MAST4: variants seen among roughly 807,000 people sequenced by gnomAD.
MAST4 encodes microtubule associated serine/threonine kinase family member 4, also known as microtubule-associated serine/threonine-protein kinase 4.
In MAST4, 89 loss-of-function variants were observed where a neutral mutation model predicts 162.7. That is an observed-to-expected ratio of 0.55 (90% confidence interval 0.46 to 0.65). The LOEUF is 0.65. Ranked by LOEUF, MAST4 falls within the 30% of genes least tolerant of loss-of-function variation. The pLI is 0.00. For synonymous variants in MAST4, 1,479 were observed against 1,361.1 expected (o/e 1.09, Z -1.91); for missense variants, 3,153 against 3,374.0 (o/e 0.93, Z 1.62).
intron 1 of MAST4, among the ~76,000 whole-genome samples, chr5:66,751,077 C>T (rs1459684253): frequency 6.6e-6 from 1 of 151,996 alleles, no homozygotes; most frequent in Non-Finnish European, 1.5e-5. Flanking sequence ...AGACCTGCAG[C>T]TGAGGGTCCT....
intron 3 of MAST4, among the ~76,000 whole-genome samples, chr5:66,868,454 CGTATAT>C (rs1418496108): frequency 2.1e-5 from 3 of 142,914 alleles, no homozygotes; most frequent in Non-Finnish European, 4.6e-5. Context: ...TGTGTATATA[CGTATAT>C]GTATATATAT....
intron 4 of MAST4, among the ~76,000 whole-genome samples, chr5:66,910,728 GGTTTTTTTTTTTCT>G (rs1433394141): frequency 7.4e-4 from 101 of 136,840 alleles, no homozygotes; most frequent in Non-Finnish European, 1.3e-3. Context: ...ATACACATGT[GGTTTTTTTTTTTCT>G]TTTTTTTTTT....
chr5:66,838,926 A>G (rs79460369), intron 3 of MAST4, among the ~76,000 whole-genome samples: 2,397 of 152,310 alleles, frequency 0.016, 36 homozygotes, highest in Middle Eastern at 0.031. Context: ...CAGGGCATAG[A>G]AATATTTTAT....
intron 4 of MAST4, among the ~76,000 whole-genome samples, chr5:66,901,380 T>A (rs1448070587): frequency 6.6e-6 from 1 of 151,402 alleles, no homozygotes; most frequent in Non-Finnish European, 1.5e-5. Flanking sequence ...AGAATTAGAT[T>A]TCATATTTCT....
intron 3 of MAST4, among the ~76,000 whole-genome samples, chr5:66,896,301 C>G (rs1762679631): frequency 6.6e-6 from 1 of 152,190 alleles, no homozygotes; most frequent in Non-Finnish European, 1.5e-5. Context: ...AAGTGTTCTT[C>G]TCATCACATC....
intron 19 of MAST4, among the ~76,000 whole-genome samples, chr5:67,141,357 T>G (rs1472733106): frequency 6.6e-6 from 1 of 152,198 alleles, no homozygotes; most frequent in Non-Finnish European, 1.5e-5. Flanking sequence ...ATCTGATTCT[T>G]ACGCTATGAT....
intron 4 of MAST4, among the ~76,000 whole-genome samples, chr5:66,949,686 G>T (rs189519052): frequency 6.6e-6 from 1 of 152,128 alleles, no homozygotes; most frequent in African/African-American, 2.4e-5. Flanking sequence ...TTAAGATTCT[G>T]TGTTTTCTGT....
intron 4 of MAST4, among the ~76,000 whole-genome samples, chr5:67,006,784 G>A (rs865916416): frequency 1.4e-4 from 21 of 152,260 alleles, no homozygotes; most frequent in African/African-American, 4.8e-4. Flanking sequence ...CTCCAATTCA[G>A]ACAGCTCACA....
chr5:66,609,272 G>T (rs948686736), intron 1 of MAST4, among the ~76,000 whole-genome samples: 1 of 152,034 alleles, frequency 6.6e-6, no homozygotes, highest in Admixed American at 6.6e-5. Flanking sequence ...CCGTTTCCCT[G>T]GGCAGCCAGG....
At chr5:67,004,943 C>G (rs1751796097) in intron 4 of MAST4, 1 of 725,112 alleles carries the variant, frequency 1.4e-6, no homozygotes, top group South Asian at 1.5e-5. Context: ...TTACCTCTCC[C>G]CATTTTAGTC....
At chr5:66,886,390 A>G (rs1418218147) in intron 3 of MAST4, among the ~76,000 whole-genome samples, 2 of 152,190 alleles carry the variant, frequency 1.3e-5, no homozygotes, top group Admixed American at 6.5e-5. Flanking sequence ...TAAAAGTATT[A>G]GTGCAAATTC....
intron 3 of MAST4, among the ~76,000 whole-genome samples, chr5:66,819,611 G>A (rs1424998338): frequency 6.6e-6 from 1 of 152,070 alleles, no homozygotes; most frequent in African/African-American, 2.4e-5. Flanking sequence ...TATGTCTTTG[G>A]TCAATCATAT....
chr5:66,932,946 C>T (rs1742332205), intron 4 of MAST4, among the ~76,000 whole-genome samples: 1 of 152,102 alleles, frequency 6.6e-6, no homozygotes, highest in African/African-American at 2.4e-5. Flanking sequence ...GGTTCTTTGG[C>T]ATCTAGTAAA....
chr5:66,622,403 T>C (rs1389665077), intron 1 of MAST4, among the ~76,000 whole-genome samples: 6 of 144,520 alleles, frequency 4.2e-5, no homozygotes, highest in African/African-American at 1.6e-4. Context: ...CATGTGACCT[T>C]GTATGTCCTT....
chr5:66,837,693 G>A (rs1758074453), intron 3 of MAST4, among the ~76,000 whole-genome samples: 1 of 151,482 alleles, frequency 6.6e-6, no homozygotes, highest in Admixed American at 6.6e-5. Context: ...ATCTCTCAGT[G>A]GTGTGCAGCC....
At chr5:66,710,810 T>C (rs959013418) in intron 1 of MAST4, among the ~76,000 whole-genome samples, 1 of 152,042 alleles carries the variant, frequency 6.6e-6, no homozygotes, top group African/African-American at 2.4e-5. Flanking sequence ...ATTCTATGAG[T>C]CATTTGAATC....
chr5:66,752,208 C>T (rs1753223079), intron 1 of MAST4, among the ~76,000 whole-genome samples: 2 of 152,128 alleles, frequency 1.3e-5, no homozygotes, highest in South Asian at 2.1e-4. Context: ...ATGTAAAGAC[C>T]GTCAAGACTA....
intron 4 of MAST4, among the ~76,000 whole-genome samples, chr5:66,907,597 T>G: frequency 1.5e-5 from 1 of 64,708 alleles, no homozygotes; most frequent in South Asian, 3.6e-4. Context: ...CGTGTGTGTG[T>G]GTGTGTGTGT....
intron 1 of MAST4, among the ~76,000 whole-genome samples, chr5:66,601,976 G>A (rs1170871023): frequency 1.3e-5 from 2 of 152,036 alleles, no homozygotes; most frequent in Non-Finnish European, 1.5e-5. Context: ...TAGTAGCTTA[G>A]GTACTCCAGG....
Sources: gnomAD v4.1 joint callset for allele counts (sites outside exome capture counted in the v4.1 genomes callset) on GRCh38, gnomAD v4.1.1 for gene constraint, MANE v1.5 for transcripts, NCBI Gene and HGNC (gene_info 2026-07-23, HGNC 2026-07-21) for gene names.